Variants in ABI2 observed in about 807,000 individuals in gnomAD.
ABI2 encodes the protein abelson interactor 2.
ABI2 carries 25 observed loss-of-function variants against 59.2 expected under a neutral mutation model. The ratio of observed to expected loss-of-function variants is 0.42; its 90% CI spans 0.31 to 0.59. The LOEUF (loss-of-function observed/expected upper bound fraction) is 0.59, where lower values mean the gene tolerates loss of function less well. Ranked by LOEUF, ABI2 falls within the 20% of genes least tolerant of loss-of-function variation. The pLI is 0.14. For synonymous variants in ABI2, 213 were observed against 235.5 expected, an observed-to-expected ratio of 0.90 and a Z score of 0.87; for missense variants, 545 against 681.8, an observed-to-expected ratio of 0.80 and a Z score of 2.23.
At chr2:203,384,123 G>A (rs921694495) in intron 4 of ABI2, among the ~76,000 whole-genome samples, 3 of 152,092 alleles carry the variant, frequency 2.0e-5, no homozygotes, top group African/African-American at 7.2e-5. Context: ...AAATTTAAGA[G>A]TTCATAAGAT....
chr2:203,385,421 G>A (rs1487136064), intron 4 of ABI2, among the ~76,000 whole-genome samples: 1 of 152,046 alleles, frequency 6.6e-6, no homozygotes, highest in Non-Finnish European at 1.5e-5. Flanking sequence ...GTGAGCCACC[G>A]TGCCCGGCCA....
At chr2:203,330,443 A>G (rs1177457674) in intron 1 of ABI2, among the ~76,000 whole-genome samples, 1 of 151,988 alleles carries the variant, frequency 6.6e-6, no homozygotes, top group Admixed American at 6.6e-5. Context: ...GCTAAAATTG[A>G]AAGTCTTTTA....
intron 2 of ABI2, among the ~76,000 whole-genome samples, chr2:203,373,427 C>T (rs772489879): frequency 3.4e-4 from 51 of 152,072 alleles, no homozygotes; most frequent in Non-Finnish European, 6.2e-4. Flanking sequence ...AGTCCAGCTT[C>T]TGCTCGGCAT....
chr2:203,366,544 T>A (rs2094467275), intron 1 of ABI2, among the ~76,000 whole-genome samples: 1 of 152,194 alleles, frequency 6.6e-6, no homozygotes, highest in African/African-American at 2.4e-5. Context: ...AGTCAAAATT[T>A]ATACGTTCAA....
chr2:203,359,210 G>T (rs540542912), intron 1 of ABI2, among the ~76,000 whole-genome samples: 1 of 152,130 alleles, frequency 6.6e-6, no homozygotes, highest in Non-Finnish European at 1.5e-5. Flanking sequence ...AATGTGATCT[G>T]CTATGACAGA....
chr2:203,408,766 T>C (rs963234488), intron 9 of ABI2, among the ~76,000 whole-genome samples: 3 of 151,742 alleles, frequency 2.0e-5, no homozygotes, highest in Non-Finnish European at 4.4e-5. Flanking sequence ...TCTACTCTTC[T>C]AGTGCCAGTT....
At chr2:203,359,021 AAAAAC>A (rs1354470609) in intron 1 of ABI2, among the ~76,000 whole-genome samples, 1 of 152,186 alleles carries the variant, frequency 6.6e-6, no homozygotes, top group East Asian at 1.9e-4. Flanking sequence ...CAAAAAAACA[AAAAAC>A]AAAAGAAAAA....
intron 1 of ABI2, among the ~76,000 whole-genome samples, chr2:203,335,836 A>G (rs2076209256): frequency 6.6e-6 from 1 of 152,200 alleles, no homozygotes; most frequent in African/African-American, 2.4e-5. Flanking sequence ...GTTTTAATAC[A>G]TATATGGTAC....
At position 203,391,540 on chromosome 2, in the gene ABI2, G is replaced by A. The variant is rs145031879; in HGVS notation, c.578+397G>A. Among the ~76,000 whole-genome samples, 51 of 152,322 alleles carry A rather than the reference G, an allele frequency of 3.3e-4. 1 individual carries two copies. Among genetic ancestry groups the A allele is most frequent in the Middle Eastern group, 3.4e-3 (1 of 294 alleles). Reference sequence around the variant, plus strand: ...AAGAATATTGAGCTTCAGGCCAGGTGTGTTGGCTCATGCCTGTAATTCCCA... The same window carrying A: ...AAGAATATTGAGCTTCAGGCCAGGTATGTTGGCTCATGCCTGTAATTCCCA... On this transcript the variant is annotated intron_variant, in intron 5 of 11. Transcript: ENST00000261018.
At chr2:203,378,366 C>T (rs2095861794) in intron 2 of ABI2, among the ~76,000 whole-genome samples, 1 of 152,190 alleles carries the variant, frequency 6.6e-6, no homozygotes, top group African/African-American at 2.4e-5. Flanking sequence ...CCACCTTGGC[C>T]TCCCAAAGTG....
At chr2:203,409,655 C>T (rs942428981) in intron 9 of ABI2, among the ~76,000 whole-genome samples, 8 of 152,196 alleles carry the variant, frequency 5.3e-5, no homozygotes, top group African/African-American at 1.2e-4. Context: ...TCTTCCCACA[C>T]TTTTAAAGTT....
chr2:203,395,032 T>C (rs747612709), intron 6 of ABI2, 186 bp downstream of exon 6: 3 of 761,014 alleles, frequency 3.9e-6, no homozygotes, highest in Admixed American at 2.0e-5. Flanking sequence ...AGGAAGTTGA[T>C]AAAGAACAGA....
intron 5 of ABI2, among the ~76,000 whole-genome samples, chr2:203,391,369 C>A (rs897566686): frequency 6.6e-6 from 1 of 152,082 alleles, no homozygotes. Context: ...GAGGTAAAAT[C>A]CTAGCCCAAG....
chr2:203,380,727 T>G (rs2096067505), intron 3 of ABI2, among the ~76,000 whole-genome samples: 1 of 152,226 alleles, frequency 6.6e-6, no homozygotes, highest in South Asian at 2.1e-4. Context: ...AGTGTTTACC[T>G]TATCTCAAGT....
At chr2:203,402,125 C>CCT (rs2097250164) in intron 8 of ABI2, among the ~76,000 whole-genome samples, 2 of 152,156 alleles carry the variant, frequency 1.3e-5, no homozygotes, top group Non-Finnish European at 2.9e-5. Flanking sequence ...ACCTCTGCCT[C>CCT]CTGAGTTCAA....
intron 4 of ABI2, among the ~76,000 whole-genome samples, chr2:203,383,893 G>C (rs2096288238): frequency 1.3e-5 from 2 of 149,820 alleles, no homozygotes; most frequent in South Asian, 4.6e-4. Flanking sequence ...CACTTTTTGA[G>C]CTCTGTCTTT....
At chr2:203,422,133 C>G (rs544575978) in intron 11 of ABI2, among the ~76,000 whole-genome samples, 1 of 151,782 alleles carries the variant, frequency 6.6e-6, no homozygotes, top group Admixed American at 6.6e-5. Context: ...CTCGTCTCTA[C>G]AAAAAATTAG....
At chr2:203,427,098 T>TA in intron 11 of ABI2, 79 bp from the exon 12 acceptor site, 1 of 1,265,092 alleles carries the variant, frequency 7.9e-7, no homozygotes, top group South Asian at 1.4e-5. Flanking sequence ...TGGGAACAGA[T>TA]AGCTATTCAC....
rs578131083 is a variant in ABI2 at position 203,356,252 on chromosome 2, A to G, written c.118-10625A>G. On this transcript the variant is annotated intron_variant, in intron 1 of 11. Coordinates refer to ENST00000261018, the MANE Select transcript of ABI2 (RefSeq NM_001375670.1). ...ACCCAGGCTGGAGGGCAGTGTTGCA[A>G]TCATGGCTCACTACGAGCTCAGACT... Among the ~76,000 whole-genome samples, 5 of 152,242 alleles carry G rather than the reference A, an allele frequency of 3.3e-5. No homozygotes were observed. In the East Asian group the frequency reaches 7.7e-4, roughly 24 times the overall value.
Sources: allele counts gnomAD v4.1 joint callset (sites outside exome capture counted in the v4.1 genomes callset), GRCh38; gene constraint gnomAD v4.1.1; transcripts MANE v1.5; gene names NCBI Gene and HGNC (gene_info 2026-07-23, HGNC 2026-07-21).